The following PTPRE variants were observed in gnomAD, a reference collection of about 807,000 sequenced individuals.
PTPRE encodes protein tyrosine phosphatase receptor type E.
In PTPRE, 51 loss-of-function variants were observed where a neutral mutation model predicts 102.0. The ratio of observed to expected loss-of-function variants is 0.50; its 90% CI spans 0.40 to 0.63. The LOEUF is 0.63. Ranked by LOEUF, PTPRE falls within the 30% of genes least tolerant of loss-of-function variation. PTPRE has a pLI of 0.00. For synonymous variants in PTPRE, 345 were observed against 348.2 expected, an observed-to-expected ratio of 0.99 and a Z score of 0.10; for missense variants, 752 against 915.1, an observed-to-expected ratio of 0.82 and a Z score of 2.30.
intron 1 of PTPRE, among the ~76,000 whole-genome samples, chr10:127,941,022 G>A (rs1848207036): frequency 1.3e-5 from 2 of 152,200 alleles, no homozygotes; most frequent in African/African-American, 4.8e-5. Context: ...CAGGGCAGGA[G>A]GCACCAAGCT....
At chr10:127,955,695 G>A (rs2135365688) in intron 1 of PTPRE, among the ~76,000 whole-genome samples, 2 of 152,268 alleles carry the variant, frequency 1.3e-5, no homozygotes, top group South Asian at 4.1e-4. Flanking sequence ...ATATTCATCA[G>A]TTTTCACACT....
In PTPRE at chr10:128,070,053, C is replaced by A; in HGVS notation, c.1143+226C>A. 1.4e-6 allele frequency: 1 copy of A among 710,558 alleles called. No individual in the cohort carries two copies. Among genetic ancestry groups the A allele is most frequent in the Non-Finnish European group, 2.3e-6 (1 of 434,420 alleles). 44.0% of individuals were successfully genotyped at this position (710,558 alleles called of 1,614,324 possible). ...CATGTGAGATGGGGCAATCCTACTC[C>A]CCCAAACGGTGCATGTACACAGTGC... On this transcript the variant is annotated intron_variant, in intron 13 of 20. Transcript: ENST00000254667. The surrounding 1 kb of genome is among the most constrained non-coding windows in gnomAD (Gnocchi z 4.8).
intron 2 of PTPRE, among the ~76,000 whole-genome samples, chr10:128,026,046 C>T (rs1225917400): frequency 6.6e-6 from 1 of 152,218 alleles, no homozygotes; most frequent in African/African-American, 2.4e-5. Flanking sequence ...TCCCATGTAT[C>T]TCCAGAAACC....
intron 2 of PTPRE, among the ~76,000 whole-genome samples, chr10:128,038,291 G>A (rs1293708211): frequency 6.6e-6 from 1 of 152,106 alleles, no homozygotes; most frequent in Admixed American, 6.5e-5. Flanking sequence ...ATTTGACCCA[G>A]CCATCCCATT....
intron 2 of PTPRE, among the ~76,000 whole-genome samples, chr10:128,006,872 C>T (rs893712225): frequency 6.6e-6 from 1 of 152,186 alleles, no homozygotes; most frequent in African/African-American, 2.4e-5. Flanking sequence ...CCAACCTCCC[C>T]ATTGTCACTG....
At chr10:127,960,158 G>C (rs951893676) in intron 1 of PTPRE, among the ~76,000 whole-genome samples, 2 of 152,192 alleles carry the variant, frequency 1.3e-5, no homozygotes, top group African/African-American at 2.4e-5. Flanking sequence ...GGGTGCCCCA[G>C]GGACTCGAGA....
At chr10:127,988,553 C>T (rs1165009284) in intron 2 of PTPRE, among the ~76,000 whole-genome samples, 3 of 152,140 alleles carry the variant, frequency 2.0e-5, no homozygotes. Context: ...GATCCGCCCA[C>T]CTTGGTCTCC....
At chr10:128,076,366 A>C (rs1305348322) in intron 17 of PTPRE, among the ~76,000 whole-genome samples, 1 of 151,836 alleles carries the variant, frequency 6.6e-6, no homozygotes, top group African/African-American at 2.4e-5. Flanking sequence ...ATATTGAAGA[A>C]TCTCTCCTTT....
chr10:128,066,044 C>T, intron 10 of PTPRE, 31 bp from the exon 11 acceptor site: 1 of 1,614,146 alleles, frequency 6.2e-7, no homozygotes, highest in Non-Finnish European at 8.5e-7. Context: ...ACCCACAGAT[C>T]TATTTGCTTC....
intron 11 of PTPRE, among the ~76,000 whole-genome samples, chr10:128,066,925 CACACACAT>C (rs1197960836): frequency 6.6e-6 from 1 of 151,626 alleles, no homozygotes; most frequent in African/African-American, 2.4e-5. Flanking sequence ...CACACACAGG[CACACACAT>C]GCACACATGC....
intron 2 of PTPRE, among the ~76,000 whole-genome samples, chr10:128,030,236 G>C (rs1026445567): frequency 3.9e-5 from 6 of 152,202 alleles, no homozygotes; most frequent in African/African-American, 7.2e-5. Flanking sequence ...CGAACAACGG[G>C]GCCACGCCGT....
chr10:128,033,082 G>C (rs991221278), intron 2 of PTPRE, among the ~76,000 whole-genome samples: 1 of 152,198 alleles, frequency 6.6e-6, no homozygotes, highest in Non-Finnish European at 1.5e-5. Context: ...GTAGAAGCCA[G>C]GAAGAAATAA....
At chr10:128,036,490 G>C (rs867203575) in intron 2 of PTPRE, among the ~76,000 whole-genome samples, 1 of 152,102 alleles carries the variant, frequency 6.6e-6, no homozygotes, top group Non-Finnish European at 1.5e-5. Flanking sequence ...AGCTTATCCC[G>C]CTTCATAGGA....
At position 127,985,330 on chromosome 10, in the gene PTPRE, C is replaced by T. The variant is rs148639806; in HGVS notation, c.-8+3034C>T. ...GGGCGTGGTGGCTCATGCCTGTAAT[C>T]CCAGAACTTTGGGAGGCCAAGGCAG... On this transcript the variant is annotated intron_variant, in intron 2 of 20. Coordinates refer to ENST00000254667, the MANE Select transcript of PTPRE (RefSeq NM_006504.6). Among the ~76,000 whole-genome samples, 7 of 152,384 alleles carry T rather than the reference C, an allele frequency of 4.6e-5. No homozygotes were observed. The East Asian group carries it at 1.3e-3, about 29-fold the overall frequency.
At chr10:128,069,463 T>G in intron 12 of PTPRE, 1 of 564,226 alleles carries the variant, frequency 1.8e-6, no homozygotes, top group Non-Finnish European at 3.1e-6. Flanking sequence ...CTGCACCAGC[T>G]GTTAATGTGC....
At chr10:128,048,378 G>A (rs551422629) in intron 5 of PTPRE, among the ~76,000 whole-genome samples, 10 of 152,120 alleles carry the variant, frequency 6.6e-5, no homozygotes, top group Non-Finnish European at 1.0e-4. Flanking sequence ...TGAGATGACC[G>A]AGAAACGTGT....
rs771641794 is a variant in PTPRE, at chr10:128,082,865, G to T, written c.2062G>T (p.Asp688Tyr). 1 of 1,552,454 alleles carries T rather than the reference G, an allele frequency of 6.4e-7. No individual in the cohort carries two copies. The highest frequency in any genetic ancestry group is 8.6e-7 in the Non-Finnish European group (1 of 1,159,112). The change falls in exon 21 of 21, where the codon GAT becomes TAT. Residue 688 changes from aspartate (D) to tyrosine (Y), a missense_variant. Asp to Tyr is a radical substitution (Grantham distance 160, BLOSUM62 -3). Around this residue, in one of 2 missense-constraint regions of PTPRE, gnomAD observed 636 missense variants for 824.4 expected, o/e 0.77. Transcript: ENST00000254667. ...TGAATTCTGCTACAAAGTGGTACAA[G>T]ATTTTATTGATATATTTTCTGATTA... Reference protein sequence around the residue: ...QYEFCYKVVQDFIDIFSDYAN... With the variant: ...QYEFCYKVVQYFIDIFSDYAN...
chr10:128,068,058 T>C, intron 11 of PTPRE, 65 bp from the exon 12 acceptor site: 1 of 1,543,730 alleles, frequency 6.5e-7, no homozygotes, highest in Middle Eastern at 2.2e-4. Context: ...GTCCTCAGAA[T>C]GAGATGCTGG....
chr10:128,068,017 G>A (rs1300267522), intron 11 of PTPRE, 106 bp from the exon 12 acceptor site: 12 of 1,320,914 alleles, frequency 9.1e-6, no homozygotes, highest in South Asian at 2.7e-5. Context: ...CCTCCCCTAC[G>A]CAGCCCCAGC....
Sources: gnomAD v4.1 joint callset for allele counts (sites outside exome capture counted in the v4.1 genomes callset) on GRCh38, gnomAD v4.1.1 for gene constraint, gnomAD v4.1.1 regional missense constraint, Gnocchi (gnomAD v3.1) non-coding constraint, MANE v1.5 for transcripts, NCBI Gene and HGNC (gene_info 2026-07-23, HGNC 2026-07-21) for gene names.